The following CACNA1C variants were observed in gnomAD, a reference collection of about 807,000 sequenced individuals.
The protein encoded by CACNA1C is calcium voltage-gated channel subunit alpha1 C.
Under a neutral mutation model 229.0 loss-of-function variants are expected in CACNA1C, and 30 were observed. That is an observed-to-expected ratio of 0.13 (90% CI 0.10 to 0.18). The LOEUF (loss-of-function observed/expected upper bound fraction) is 0.18. Ranked by LOEUF, CACNA1C falls within the 10% of genes least tolerant of loss-of-function variation. CACNA1C has a pLI of 1.00. For missense variants in CACNA1C, 1,658 were observed against 2,845.0 expected (o/e 0.58, Z 9.49); for synonymous variants, 1,114 against 1,132.5 (o/e 0.98, Z 0.33).
At chr12:2,327,532 C>G (rs1177599846) in intron 3 of CACNA1C, among the ~76,000 whole-genome samples, 5 of 152,202 alleles carry the variant, frequency 3.3e-5, no homozygotes, top group African/African-American at 1.2e-4. Flanking sequence ...GGTAGAATGA[C>G]AGTCTTTAAC....
chr12:2,496,134 G>A (rs544850078), intron 7 of CACNA1C, among the ~76,000 whole-genome samples: 26 of 152,238 alleles, frequency 1.7e-4, no homozygotes, highest in African/African-American at 5.8e-4. Context: ...CTCTAAAGTC[G>A]GGGCCCCAGT....
intron 9 of CACNA1C, among the ~76,000 whole-genome samples, chr12:2,519,282 T>G (rs951301880): frequency 6.6e-6 from 1 of 152,210 alleles, no homozygotes; most frequent in African/African-American, 2.4e-5. Flanking sequence ...ATGGCACATA[T>G]GAGTCACACG....
At chr12:2,277,971 CTT>C (rs2089556903) in intron 3 of CACNA1C, among the ~76,000 whole-genome samples, 1 of 152,256 alleles carries the variant, frequency 6.6e-6, no homozygotes, top group African/African-American at 2.4e-5. Flanking sequence ...GCACACCACT[CTT>C]AGCACAGACT....
At chr12:2,671,867 C>T (rs2096584236) in intron 38 of CACNA1C, among the ~76,000 whole-genome samples, 1 of 150,464 alleles carries the variant, frequency 6.6e-6, no homozygotes, top group Non-Finnish European at 1.5e-5. Flanking sequence ...AACGCCCCCA[C>T]CCAAGGGTGA....
chr12:2,609,905 C>G (rs1057022072), intron 27 of CACNA1C, among the ~76,000 whole-genome samples: 1 of 152,190 alleles, frequency 6.6e-6, no homozygotes, highest in African/African-American at 2.4e-5. Context: ...GGGCGGATCA[C>G]TTGAGGCCAG....
At chr12:2,660,221 G>A (rs868791971) in intron 34 of CACNA1C, 4 of 152,454 alleles carry the variant, frequency 2.6e-5, no homozygotes, top group African/African-American at 9.6e-5. Context: ...AGCACAGATT[G>A]TTCAGAGTTG....
intron 1 of CACNA1C, among the ~76,000 whole-genome samples, chr12:2,064,097 C>T (rs913818298): frequency 4.6e-5 from 7 of 152,138 alleles, no homozygotes; most frequent in Admixed American, 1.3e-4. Context: ...TGGTGTTTCA[C>T]AATCTGACAG....
intron 42 of CACNA1C, chr12:2,680,695 C>CT (rs769376377): frequency 3.5e-4 from 269 of 765,262 alleles, no homozygotes; most frequent in Non-Finnish European, 5.2e-4. Context: ...CTGCCTGTCC[C>CT]TGCAGAGGGC....
At chr12:2,015,388 G>T (rs955553917) in intron 1 of CACNA1C, among the ~76,000 whole-genome samples, 5 of 152,226 alleles carry the variant, frequency 3.3e-5, no homozygotes, top group Non-Finnish European at 7.3e-5. Context: ...GGAGTCAGAT[G>T]TGGAGAGTCT....
At position 2,493,235 on chromosome 12, in the gene CACNA1C, G is replaced by A. The variant is rs2099740050; in HGVS notation, c.962G>A (p.Gly321Asp). ...CCTTCCCCTTGTGCGCTGGAAACGGGCCACGGGCGGCAGTGCCAGAACGGC... is the reference window on the plus strand; with the variant it reads ...CCTTCCCCTTGTGCGCTGGAAACGGACCACGGGCGGCAGTGCCAGAACGGC... ...DDPSPCALET[G>D]HGRQCQNGTV... The change falls in exon 7 of 47, where the codon GGC becomes GAC. Residue 321 changes from glycine (G) to aspartate (D), a missense_variant. Gly to Asp is a moderately conservative substitution (Grantham distance 94, BLOSUM62 -1). Around this residue, in one of 20 missense-constraint regions of CACNA1C, gnomAD observed 84 missense variants for 202.6 expected, o/e 0.41. Transcript: ENST00000399655. This position sits in a 1 kb window ranked among gnomAD's most constrained non-coding sequence, Gnocchi z 4.6. 1 of 1,614,024 alleles carries A rather than the reference G, an allele frequency of 6.2e-7. No individual in the cohort carries two copies. The highest frequency in any genetic ancestry group is 2.2e-5 in the East Asian group (1 of 44,868).
intron 9 of CACNA1C, chr12:2,547,519 C>A (rs1301710589): frequency 1.3e-6 from 1 of 779,724 alleles, no homozygotes; most frequent in Non-Finnish European, 2.4e-6. Context: ...TCCACAGAAA[C>A]CCATGGTAAT....
At chr12:2,546,051 G>A (rs535180325) in intron 9 of CACNA1C, among the ~76,000 whole-genome samples, 15 of 151,426 alleles carry the variant, frequency 9.9e-5, no homozygotes, top group African/African-American at 2.9e-4. Context: ...ACACTCTTCC[G>A]TGCAGTAGCT....
In CACNA1C at chr12:2,108,603, G is replaced by A. The variant is rs904511278; in HGVS notation, c.50-6621G>A. ...CCCTGCAGTCCAGCGGGGCACCGTA[G>A]GAGGAGGGTGGAAGAGCTGCTGAGA... On this transcript the variant is annotated intron_variant, in intron 1 of 46. Transcript: ENST00000399655. The surrounding 1 kb of genome is among the most constrained non-coding windows in gnomAD (Gnocchi z 5.3). 2.6e-5 allele frequency among the ~76,000 whole-genome samples: 4 copies of A among 152,234 alleles called. No individual in the cohort carries two copies. The highest frequency in any genetic ancestry group is 9.6e-5 in the African/African-American group (4 of 41,462).
rs2238085 is a variant in CACNA1C, at chr12:2,466,329, G to T, written c.757+8623G>T. Among the ~76,000 whole-genome samples the T allele has an allele frequency of 8.6e-3, 1,314 of 152,282 alleles. 77 individuals carry two copies. In the South Asian group the frequency reaches 0.13, roughly 15 times the overall value. ...AGTGTTTTCTGGCCCAGTTGGTGCC[G>T]CATTGTGCAAGAGAGGAGGCTAGGC... On this transcript the variant is annotated intron_variant, in intron 5 of 46. Transcript: ENST00000399655.
chr12:2,314,931 T>A (rs1175233107), intron 3 of CACNA1C, among the ~76,000 whole-genome samples: 1 of 152,232 alleles, frequency 6.6e-6, no homozygotes, highest in South Asian at 2.1e-4. Context: ...GTTTTTTCAA[T>A]GTAGAAAATG....
chr12:2,360,647 G>A (rs1354609225), intron 3 of CACNA1C, among the ~76,000 whole-genome samples: 2 of 152,200 alleles, frequency 1.3e-5, no homozygotes, highest in Non-Finnish European at 2.9e-5. Context: ...TTGAGCTTGA[G>A]CAGGTCATTT....
intron 3 of CACNA1C, among the ~76,000 whole-genome samples, chr12:2,433,622 G>A (rs2099107667): frequency 6.6e-6 from 1 of 152,210 alleles, no homozygotes; most frequent in African/African-American, 2.4e-5. Flanking sequence ...GGACCTTGGA[G>A]GAGATGTGCT....
intron 9 of CACNA1C, among the ~76,000 whole-genome samples, chr12:2,549,219 A>G (rs1344806650): frequency 2.6e-5 from 4 of 152,210 alleles, no homozygotes; most frequent in Non-Finnish European, 5.9e-5. Flanking sequence ...TGACATGGGA[A>G]TGTCAGGGTG....
At chr12:2,160,381 C>A (rs996834989) in intron 3 of CACNA1C, among the ~76,000 whole-genome samples, 3 of 152,190 alleles carry the variant, frequency 2.0e-5, no homozygotes, top group African/African-American at 4.8e-5. Context: ...TGTCTCTGAT[C>A]CTCAAAGAGG....
Sources: allele counts gnomAD v4.1 joint callset (sites outside exome capture counted in the v4.1 genomes callset), GRCh38; gene constraint gnomAD v4.1.1; regional missense constraint gnomAD v4.1.1; non-coding constraint Gnocchi (gnomAD v3.1); transcripts MANE v1.5; gene names NCBI Gene and HGNC (gene_info 2026-07-23, HGNC 2026-07-21).